Variants in PPARGC1A observed in about 807,000 individuals in gnomAD.
The protein encoded by PPARGC1A is PPARG coactivator 1 alpha.
A neutral mutation model predicts 88.7 loss-of-function variants in PPARGC1A; 25 were observed. The ratio of observed to expected loss-of-function variants is 0.28; its 90% CI spans 0.21 to 0.39. The LOEUF is 0.39. Ranked by LOEUF, PPARGC1A falls within the 10% of genes least tolerant of loss-of-function variation. The pLI, the probability that PPARGC1A is intolerant of heterozygous loss-of-function variation, is 1.00. For synonymous variants in PPARGC1A, 363 were observed against 355.6 expected (o/e 1.02, Z -0.24); for missense variants, 880 against 968.7 (o/e 0.91, Z 1.22).
At chr4:24,436,083 G>A in the PPARGC1A span, among the ~76,000 whole-genome samples, 1 of 152,158 alleles carries the variant, frequency 6.6e-6, no homozygotes, top group African/African-American at 2.4e-5. Context: ...GCCAAATTAA[G>A]CCTCTAATTC....
intron 2 of PPARGC1A, among the ~76,000 whole-genome samples, chr4:23,878,055 G>C (rs1224252225): frequency 6.6e-6 from 1 of 152,110 alleles, no homozygotes; most frequent in Non-Finnish European, 1.5e-5. Flanking sequence ...TCCTGATTCT[G>C]CTCCAAGATT....
chr4:24,425,832 AT>A, the PPARGC1A span, among the ~76,000 whole-genome samples: 1 of 152,120 alleles, frequency 6.6e-6, no homozygotes, highest in Non-Finnish European at 1.5e-5. Context: ...CGAATTCCTG[AT>A]TTTTTCCCCT....
the PPARGC1A span, among the ~76,000 whole-genome samples, chr4:24,019,752 A>G: frequency 6.6e-6 from 1 of 152,222 alleles, no homozygotes; most frequent in Non-Finnish European, 1.5e-5. Flanking sequence ...GTTGTTGCAG[A>G]TATTGTTTCT....
rs1725001108 is a variant in PPARGC1A, at chr4:23,831,566, C to T, written c.420G>A (p.Glu140=). The T allele has an allele frequency of 3.1e-6, 5 of 1,613,670 alleles. No individual in the cohort carries two copies. In the Admixed American group the frequency reaches 5.0e-5, roughly 16 times the overall value. The change falls in exon 3 of 13, where the codon GAG becomes GAA. Residue 140 remains glutamate (E), a synonymous_variant. Transcript: ENST00000264867. The part of the protein sequence containing the change: ...DGTPPPQEAE[E]PSLLKKLLLA... ...TAGGAAGGGTTCTTACTAGAGACGGCTCTTCTGCCTCCTGGGGTGGAGGGG... is the reference window on the plus strand; with the variant it reads ...TAGGAAGGGTTCTTACTAGAGACGGTTCTTCTGCCTCCTGGGGTGGAGGGG...
At chr4:24,456,298 A>AAG in the PPARGC1A span, among the ~76,000 whole-genome samples, 4 of 152,160 alleles carry the variant, frequency 2.6e-5, no homozygotes, top group African/African-American at 7.2e-5. Context: ...TAGGGGTGGA[A>AAG]AGATAAGAGA....
At chr4:23,962,612 T>C in the PPARGC1A span, among the ~76,000 whole-genome samples, 1 of 152,178 alleles carries the variant, frequency 6.6e-6, no homozygotes, top group African/African-American at 2.4e-5. Flanking sequence ...TGTCTATGAC[T>C]GAGCAATCCC....
chr4:23,882,770 G>A (rs952589746), intron 2 of PPARGC1A: 2 of 152,104 alleles, frequency 1.3e-5, no homozygotes, highest in African/African-American at 2.4e-5. Context: ...CCTACATGTA[G>A]ATAATTAACT....
chr4:24,130,922 A>C, the PPARGC1A span, among the ~76,000 whole-genome samples: 1 of 152,018 alleles, frequency 6.6e-6, no homozygotes, highest in East Asian at 1.9e-4. Flanking sequence ...CTGTCCCCTC[A>C]TCCTAGAGTG....
intron 2 of PPARGC1A, among the ~76,000 whole-genome samples, chr4:23,853,028 G>A (rs186338344): frequency 1.3e-5 from 2 of 152,290 alleles, no homozygotes; most frequent in East Asian, 3.9e-4. Context: ...TTCTGGAGCT[G>A]AGAGATTTCC....
chr4:24,203,233 C>A, the PPARGC1A span, among the ~76,000 whole-genome samples: 1 of 152,282 alleles, frequency 6.6e-6, no homozygotes, highest in South Asian at 2.1e-4. Flanking sequence ...AAACCTTCTG[C>A]AGTTGTTTCA....
the PPARGC1A span, among the ~76,000 whole-genome samples, chr4:24,074,536 C>A: frequency 6.6e-6 from 1 of 152,044 alleles, no homozygotes; most frequent in Non-Finnish European, 1.5e-5. Flanking sequence ...ATTTGACATA[C>A]AAATATTTTA....
chr4:23,840,845 C>A (rs1726941180), intron 2 of PPARGC1A, among the ~76,000 whole-genome samples: 1 of 152,044 alleles, frequency 6.6e-6, no homozygotes, highest in African/African-American at 2.4e-5. Flanking sequence ...TATCCTCGGA[C>A]AATTTGTCTT....
At chr4:24,372,049 A>G in the PPARGC1A span, among the ~76,000 whole-genome samples, 1 of 152,096 alleles carries the variant, frequency 6.6e-6, no homozygotes, top group African/African-American at 2.4e-5. Context: ...ATAAAGTTTC[A>G]TCTCTCTCTC....
At chr4:23,988,685 C>T in the PPARGC1A span, among the ~76,000 whole-genome samples, 2 of 151,324 alleles carry the variant, frequency 1.3e-5, no homozygotes, top group Non-Finnish European at 2.9e-5. Flanking sequence ...AAATACAACA[C>T]ATAAAAAGTT....
At chr4:23,828,644 T>C (rs35133598) in intron 4 of PPARGC1A, 40 bp from the exon 5 acceptor site, 35,687 of 1,580,884 alleles carry the variant, frequency 0.023, 525 homozygotes, top group Middle Eastern at 0.048. Flanking sequence ...ATTAGTGAAC[T>C]GAACCTTATC....
chr4:24,106,810 C>T, the PPARGC1A span, among the ~76,000 whole-genome samples: 51 of 152,342 alleles, frequency 3.3e-4, no homozygotes, highest in Admixed American at 1.0e-3. Context: ...CCTGCCAGCC[C>T]CCAGCTGACC....
At chr4:24,066,298 T>A in the PPARGC1A span, among the ~76,000 whole-genome samples, 1 of 152,042 alleles carries the variant, frequency 6.6e-6, no homozygotes, top group South Asian at 2.1e-4. Context: ...AAATAGTCAT[T>A]TGTTTTCTGT....
At chr4:24,173,912 G>A in the PPARGC1A span, among the ~76,000 whole-genome samples, 1 of 152,226 alleles carries the variant, frequency 6.6e-6, no homozygotes, top group Admixed American at 6.5e-5. Flanking sequence ...CATTGATACT[G>A]AAGTGGACTT....
the PPARGC1A span, among the ~76,000 whole-genome samples, chr4:23,923,122 T>G: frequency 0.67 from 90,983 of 136,666 alleles, 29,118 homozygotes; most frequent in Middle Eastern, 0.71. Flanking sequence ...GCTTGTTTTT[T>G]TTTTTTTTTT....
Sources: gnomAD v4.1 joint callset for allele counts (sites outside exome capture counted in the v4.1 genomes callset) on GRCh38, gnomAD v4.1.1 for gene constraint, MANE v1.5 for transcripts, NCBI Gene and HGNC (gene_info 2026-07-23, HGNC 2026-07-21) for gene names.